Variants in CHL1 observed in about 807,000 individuals in gnomAD.
The protein encoded by CHL1 is neural cell adhesion molecule L1-like protein.
CHL1 carries 96 observed loss-of-function variants against 141.9 expected under a neutral mutation model. The observed-to-expected ratio is 0.68, with a 90% CI of 0.57 to 0.80. The LOEUF is 0.80. Ranked by LOEUF, CHL1 falls within the 30% of genes least tolerant of loss-of-function variation. The pLI, the probability that CHL1 is intolerant of heterozygous loss-of-function variation, is 0.00. For synonymous variants in CHL1, 613 were observed against 502.2 expected (o/e 1.22, Z -2.95); for missense variants, 1,820 against 1,457.2 (o/e 1.25, Z -4.05).
At chr3:282,669 T>C (rs1425920106) in intron 2 of CHL1, 1 of 152,246 alleles carries the variant, frequency 6.6e-6, no homozygotes. Flanking sequence ...CTTCAGCACA[T>C]TGAATATGTC....
intron 1 of CHL1, among the ~76,000 whole-genome samples, chr3:212,219 G>A (rs1699957302): frequency 6.6e-6 from 1 of 151,976 alleles, no homozygotes; most frequent in Non-Finnish European, 1.5e-5. Flanking sequence ...AAAACTTGTT[G>A]GGGGTTCTGG....
At chr3:220,919 T>A (rs1047061703) in intron 1 of CHL1, among the ~76,000 whole-genome samples, 3 of 152,174 alleles carry the variant, frequency 2.0e-5, no homozygotes, top group African/African-American at 7.2e-5. Context: ...TACAATCAAT[T>A]GTCTCTGAAG....
intron 23 of CHL1, among the ~76,000 whole-genome samples, chr3:393,232 C>CAA (rs61149354): frequency 5.3e-5 from 5 of 94,678 alleles, no homozygotes; most frequent in African/African-American, 1.8e-4. Context: ...GACTCCGTCT[C>CAA]AAAAAAAAAA....
intron 23 of CHL1, among the ~76,000 whole-genome samples, chr3:393,101 T>C (rs754287524): frequency 2.6e-5 from 4 of 151,966 alleles, no homozygotes; most frequent in Non-Finnish European, 5.9e-5. Flanking sequence ...GGCGTGGTGG[T>C]GGGCCCCTGT....
chr3:372,757 G>A (rs973135615), intron 15 of CHL1, among the ~76,000 whole-genome samples: 2 of 151,312 alleles, frequency 1.3e-5, no homozygotes, highest in Non-Finnish European at 2.9e-5. Context: ...TGAGGCTGCT[G>A]ACACTTGGAT....
intron 3 of CHL1, among the ~76,000 whole-genome samples, chr3:322,629 T>TTATATATATATATAAAATATA (rs1035885641): frequency 8.3e-6 from 1 of 119,894 alleles, no homozygotes; most frequent in South Asian, 2.4e-4. Flanking sequence ...CATCTCTAAA[T>TTATATATATATATAAAATATA]TATATATATA....
At chr3:306,823 T>G (rs551764205) in intron 2 of CHL1, among the ~76,000 whole-genome samples, 1 of 152,220 alleles carries the variant, frequency 6.6e-6, no homozygotes, top group Non-Finnish European at 1.5e-5. Flanking sequence ...AATCTATTAA[T>G]GTCATATTCA....
chr3:326,209 C>CAAAA, intron 4 of CHL1, 145 bp downstream of exon 4: 1 of 456,994 alleles, frequency 2.2e-6, no homozygotes, highest in Non-Finnish European at 3.9e-6. Context: ...TCCATGCAAA[C>CAAAA]AAAAAAAAAA....
At chr3:373,763 C>T (rs1309889351) in intron 15 of CHL1, 1 of 152,372 alleles carries the variant, frequency 6.6e-6, no homozygotes, top group Non-Finnish European at 1.5e-5. Flanking sequence ...TGGGGTCTTC[C>T]AATCCATGGG....
chr3:346,171 A>T (rs1702754584), intron 9 of CHL1, among the ~76,000 whole-genome samples: 1 of 152,236 alleles, frequency 6.6e-6, no homozygotes, highest in Non-Finnish European at 1.5e-5. Context: ...TATTGGTTTT[A>T]CAGCCCCTAA....
intron 1 of CHL1, among the ~76,000 whole-genome samples, chr3:232,034 T>C (rs1286236490): frequency 1.3e-5 from 2 of 152,222 alleles, no homozygotes; most frequent in Admixed American, 1.3e-4. Context: ...ATTTGATTTC[T>C]GTACTTATCA....
At chr3:332,152 G>GA (rs1039605782) in intron 5 of CHL1, among the ~76,000 whole-genome samples, 97 of 152,152 alleles carry the variant, frequency 6.4e-4, no homozygotes, top group African/African-American at 1.9e-3. Flanking sequence ...AAATATGCTG[G>GA]AAAAAATACA....
At chr3:260,526 A>T (rs1299236152) in intron 2 of CHL1, among the ~76,000 whole-genome samples, 1 of 152,114 alleles carries the variant, frequency 6.6e-6, no homozygotes, top group Non-Finnish European at 1.5e-5. Flanking sequence ...ATGGTTGAGG[A>T]TTCACTCCCA....
intron 5 of CHL1, among the ~76,000 whole-genome samples, chr3:335,428 A>G (rs1407091752): frequency 6.6e-6 from 1 of 152,198 alleles, no homozygotes; most frequent in Non-Finnish European, 1.5e-5. Context: ...GATTAATGGG[A>G]TGTTCTGCAG....
intron 1 of CHL1, among the ~76,000 whole-genome samples, chr3:208,303 C>G (rs1001567418): frequency 3.4e-5 from 5 of 147,846 alleles, no homozygotes; most frequent in Admixed American, 1.3e-4. Flanking sequence ...AAACCCATTA[C>G]TGTATTTAAC....
chr3:246,503 T>C (rs1221053524), intron 2 of CHL1: 1 of 152,010 alleles, frequency 6.6e-6, no homozygotes, highest in Non-Finnish European at 1.5e-5. Context: ...ATCGTAGTCA[T>C]AAAACACCCA....
chr3:351,542 G>T (rs183256223), intron 10 of CHL1, among the ~76,000 whole-genome samples: 74 of 152,108 alleles, frequency 4.9e-4, no homozygotes, highest in African/African-American at 1.7e-3. Flanking sequence ...CTGCCTTCCT[G>T]CACCCTCTCC....
intron 1 of CHL1, among the ~76,000 whole-genome samples, chr3:221,247 A>AT (rs1286500371): frequency 6.6e-6 from 1 of 152,242 alleles, no homozygotes; most frequent in Non-Finnish European, 1.5e-5. Flanking sequence ...AAGCTGTGTC[A>AT]TGGGCCATGG....
At chr3:314,620 T>C (rs942872907) in intron 2 of CHL1, among the ~76,000 whole-genome samples, 2 of 151,930 alleles carry the variant, frequency 1.3e-5, no homozygotes, top group Admixed American at 6.6e-5. Flanking sequence ...CTAGGATGGC[T>C]GCCATTTTAC....
Sources: gnomAD v4.1 joint callset for allele counts (sites outside exome capture counted in the v4.1 genomes callset) on GRCh38, gnomAD v4.1.1 for gene constraint, MANE v1.5 for transcripts, NCBI Gene and HGNC (gene_info 2026-07-23, HGNC 2026-07-21) for gene names.